Variants in RYR2 observed in about 807,000 individuals in gnomAD.
RYR2 encodes ryanodine receptor 2.
In RYR2, 227 loss-of-function variants were observed where a neutral mutation model predicts 601.1. The observed-to-expected ratio is 0.38, with a 90% confidence interval of 0.34 to 0.42. The LOEUF (loss-of-function observed/expected upper bound fraction) is 0.42. Ranked by LOEUF, RYR2 falls within the 10% of genes least tolerant of loss-of-function variation. The probability of loss-of-function intolerance (pLI) is 1.00; values close to 1 mark genes in which losing one functional copy is unlikely to be tolerated. For synonymous variants in RYR2, 2,223 were observed against 2,175.1 expected, an observed-to-expected ratio of 1.02 and a Z score of -0.61; for missense variants, 4,646 against 6,156.5, an observed-to-expected ratio of 0.75 and a Z score of 8.21.
chr1:237,722,638 T>A (rs1458306392), intron 73 of RYR2, among the ~76,000 whole-genome samples: 1 of 152,102 alleles, frequency 6.6e-6, no homozygotes, highest in Non-Finnish European at 1.5e-5. Context: ...TTTCACCGTG[T>A]TAACCAGGAC....
intron 2 of RYR2, among the ~76,000 whole-genome samples, chr1:237,286,298 G>A (rs188728186): frequency 1.4e-3 from 214 of 152,040 alleles, no homozygotes; most frequent in African/African-American, 4.8e-3. Flanking sequence ...TCAGGAGCAG[G>A]TTATTTAATT....
chr1:237,389,676 G>A (rs1000179856), intron 10 of RYR2, among the ~76,000 whole-genome samples: 2 of 152,150 alleles, frequency 1.3e-5, no homozygotes, highest in Admixed American at 6.5e-5. Context: ...CTTTTTTTCT[G>A]CCTCAGGGGA....
chr1:237,450,994 A>G lies in RYR2; in HGVS notation c.1293-3397A>G, dbSNP rs189420808. Among the ~76,000 whole-genome samples the G allele has an allele frequency of 6.2e-4, 95 of 152,032 alleles. 1 individual carries two copies. Among genetic ancestry groups the G allele is most frequent in the Middle Eastern group, 6.8e-3 (2 of 294 alleles). On this transcript the variant is annotated intron_variant, in intron 14 of 104. Transcript: ENST00000366574. ...TCCAGTAATCATGTTTATATTGCATATATATTTATATTGCATATATATATA... is the reference window on the plus strand; with the variant it reads ...TCCAGTAATCATGTTTATATTGCATGTATATTTATATTGCATATATATATA...
rs145046517 is a variant in RYR2, at chr1:237,814,821, T to C, written c.14434-4215T>C. 5.2e-3 allele frequency among the ~76,000 whole-genome samples: 790 copies of C among 152,068 alleles called. 8 individuals are homozygous for C. Among genetic ancestry groups the C allele is most frequent in the African/African-American group, 0.018 (756 of 41,492 alleles). The stretch of plus-strand genomic sequence containing the variant: ...CAAGACTTATGCACTTTGGGAAAAA[T>C]AGCTTTCCAGGTGATTAAGATGAAA... On this transcript the variant is annotated intron_variant, in intron 100 of 104. Coordinates refer to ENST00000366574, the MANE Select transcript of RYR2 (RefSeq NM_001035.3).
chr1:237,624,604 C>T (rs1010313107), intron 39 of RYR2, among the ~76,000 whole-genome samples: 19 of 152,132 alleles, frequency 1.2e-4, no homozygotes, highest in Admixed American at 1.2e-3. Flanking sequence ...AAAATGTAGA[C>T]TATATCTTTT....
At position 237,355,994 on chromosome 1, in the gene RYR2, T is replaced by C; in HGVS notation, c.294+9T>C. The C allele has an allele frequency of 6.2e-7, 1 of 1,606,148 alleles. No homozygotes were observed. Among genetic ancestry groups the C allele is most frequent in the Non-Finnish European group, 8.5e-7 (1 of 1,175,570 alleles). On this transcript the variant is annotated intron_variant, in intron 4 of 104. Coordinates refer to ENST00000366574, the MANE Select transcript of RYR2 (RefSeq NM_001035.3). The stretch of plus-strand genomic sequence containing the variant: ...TTGATGTGGAAAAATGGGTATGTGT[T>C]TCCATGTATTTGCAAAGAAATTGTG...
chr1:237,730,408 C>A, intron 77 of RYR2, 52 bp downstream of exon 77: 2 of 982,208 alleles, frequency 2.0e-6, no homozygotes, highest in Non-Finnish European at 3.3e-6. Flanking sequence ...CTTGGTGCAG[C>A]AATGTTGGCG....
intron 1 of RYR2, among the ~76,000 whole-genome samples, chr1:237,113,774 A>G (rs1430198244): frequency 3.3e-5 from 5 of 152,192 alleles, no homozygotes; most frequent in African/African-American, 4.8e-5. Flanking sequence ...GCTCACACCT[A>G]TTGGGTGTTA....
At chr1:237,717,164 G>A (rs778237540) in intron 71 of RYR2, 34 bp from the exon 72 acceptor site, 17 of 1,604,398 alleles carry the variant, frequency 1.1e-5, no homozygotes, top group African/African-American at 2.7e-5. Context: ...GAGAAAAGCA[G>A]GTTCAGATCC....
chr1:237,269,042 C>CTTTTTTTTTT (rs200563683), intron 1 of RYR2, among the ~76,000 whole-genome samples: 2 of 113,196 alleles, frequency 1.8e-5, no homozygotes, highest in Admixed American at 9.2e-5. Context: ...ATAGCATATT[C>CTTTTTTTTTT]TTTTTTTTTT....
intron 100 of RYR2, among the ~76,000 whole-genome samples, chr1:237,809,366 C>A (rs920606977): frequency 1.3e-5 from 2 of 152,142 alleles, no homozygotes; most frequent in Non-Finnish European, 2.9e-5. Context: ...CATTTGGAAG[C>A]CTTAGTTTTT....
At chr1:237,155,207 G>A (rs542849534) in intron 1 of RYR2, among the ~76,000 whole-genome samples, 53 of 122,544 alleles carry the variant, frequency 4.3e-4, no homozygotes, top group Non-Finnish European at 6.3e-4. Flanking sequence ...ACAGAGTCTC[G>A]CTCTGTTGTC....
intron 1 of RYR2, among the ~76,000 whole-genome samples, chr1:237,213,850 AT>A (rs1419077770): frequency 1.5e-5 from 2 of 135,884 alleles, no homozygotes; most frequent in Non-Finnish European, 3.2e-5. Context: ...GAGAGCTTTA[AT>A]TTTTTTTTCC....
intron 70 of RYR2, 142 bp from the exon 71 acceptor site, chr1:237,711,603 G>A (rs960365928): frequency 9.9e-6 from 6 of 608,864 alleles, no homozygotes; most frequent in Non-Finnish European, 5.8e-6. Context: ...AGATACTCAA[G>A]AAATACTTGT....
At chr1:237,273,062 C>T (rs1309976373) in intron 2 of RYR2, among the ~76,000 whole-genome samples, 2 of 152,062 alleles carry the variant, frequency 1.3e-5, no homozygotes, top group African/African-American at 4.8e-5. Context: ...ATTTATTGTG[C>T]ACTTTATTTC....
chr1:237,767,447 T>A (rs1285147050), intron 84 of RYR2, among the ~76,000 whole-genome samples: 1 of 151,996 alleles, frequency 6.6e-6, no homozygotes, highest in African/African-American at 2.4e-5. Context: ...CATAGAAGAG[T>A]GAATGTTTTT....
chr1:237,752,516 C>T (rs774230919), intron 80 of RYR2, among the ~76,000 whole-genome samples: 8 of 151,434 alleles, frequency 5.3e-5, no homozygotes, highest in Non-Finnish European at 7.4e-5. Flanking sequence ...AAGTTGTAGT[C>T]TTAGTATTTT....
In RYR2 at chr1:237,793,852, A is replaced by G; in HGVS notation, c.13783-15A>G. ...AATCTAAACTAATTTTAACGTATTT[A>G]TTTTTCCTATGTAGGTCCCATTGGT... On this transcript the variant is annotated splice_polypyrimidine_tract_variant and intron_variant, in intron 94 of 104. Coordinates refer to ENST00000366574, the MANE Select transcript of RYR2 (RefSeq NM_001035.3). 1 of 1,588,572 alleles carries G rather than the reference A, an allele frequency of 6.3e-7. No individual in the cohort carries two copies. The highest frequency in any genetic ancestry group is 8.6e-7 in the Non-Finnish European group (1 of 1,160,450).
At chr1:237,806,094 T>G in intron 98 of RYR2, 43 bp from the exon 99 acceptor site, 1 of 1,583,578 alleles carries the variant, frequency 6.3e-7, no homozygotes, top group Non-Finnish European at 8.7e-7. Context: ...AGTCATGCGT[T>G]CTGTTTTCTG....
Sources: allele counts gnomAD v4.1 joint callset (sites outside exome capture counted in the v4.1 genomes callset), GRCh38; gene constraint gnomAD v4.1.1; transcripts MANE v1.5; gene names NCBI Gene and HGNC (gene_info 2026-07-23, HGNC 2026-07-21).